Variants in TMEM255B observed in about 807,000 individuals in gnomAD.
TMEM255B encodes transmembrane protein 255B, also known as family with sequence similarity 70, member B.
A neutral mutation model predicts 34.5 loss-of-function variants in TMEM255B; 35 were observed. That is an observed-to-expected ratio of 1.01 (90% CI 0.77 to 1.34). The LOEUF is 1.34. Ranked by LOEUF, TMEM255B falls within the 40% of genes most tolerant of loss-of-function variation. TMEM255B has a pLI of 0.00. For synonymous variants in TMEM255B, 206 were observed against 201.2 expected, an observed-to-expected ratio of 1.02 and a Z score of -0.20; for missense variants, 432 against 433.2, an observed-to-expected ratio of 1.00 and a Z score of 0.02.
In TMEM255B at chr13:113,811,984, C is replaced by A; in HGVS notation, c.*81C>A. 1 of 1,473,672 alleles carries A rather than the reference C, an allele frequency of 6.8e-7. No homozygotes were observed. The highest frequency in any genetic ancestry group is 9.1e-7 in the Non-Finnish European group (1 of 1,094,680). 91.3% of individuals were successfully genotyped at this position (1,473,672 alleles called of 1,614,324 possible). On this transcript the variant is annotated 3_prime_UTR_variant, in exon 9 of 9. Coordinates refer to ENST00000375353, the MANE Select transcript of TMEM255B (RefSeq NM_182614.4). ...CCTCTAGAAATCCCGCTTCTGTGGC[C>A]AACCTCCTAGAGAACCCGGGAGAAT... is the stretch of plus-strand genomic sequence containing the variant.
chr13:113,789,639 C>T (rs1325524586), intron 3 of TMEM255B, among the ~76,000 whole-genome samples: 3 of 152,228 alleles, frequency 2.0e-5, no homozygotes, highest in African/African-American at 7.2e-5. Context: ...CGGGTTGAAG[C>T]ACCATGAGAA....
At chr13:113,782,638 T>C (rs9577902) in intron 3 of TMEM255B, among the ~76,000 whole-genome samples, 110,889 of 149,452 alleles carry the variant, frequency 0.74, 41,559 homozygotes, top group East Asian at 0.86. Flanking sequence ...CCGTTGTCAG[T>C]GCCGGCAGCG....
At chr13:113,784,857 C>T (rs1391220223) in intron 3 of TMEM255B, among the ~76,000 whole-genome samples, 4 of 152,160 alleles carry the variant, frequency 2.6e-5, no homozygotes, top group Non-Finnish European at 5.9e-5. Context: ...GCCTCTGGCC[C>T]CAACACCTGT....
chr13:113,795,906 CAA>C (rs2050919851), intron 4 of TMEM255B, among the ~76,000 whole-genome samples: 1 of 125,464 alleles, frequency 8.0e-6, no homozygotes, highest in Non-Finnish European at 1.7e-5. Context: ...AGCACACACA[CAA>C]CACAGCACAC....
chr13:113,808,157 T>G (rs560646732), intron 8 of TMEM255B, among the ~76,000 whole-genome samples: 4 of 151,744 alleles, frequency 2.6e-5, no homozygotes, highest in African/African-American at 9.7e-5. Flanking sequence ...ATATTCAGGG[T>G]GTTCCATGGA....
chr13:113,787,358 C>T (rs970207071), intron 3 of TMEM255B, among the ~76,000 whole-genome samples: 5 of 152,198 alleles, frequency 3.3e-5, no homozygotes, highest in South Asian at 2.1e-4. Context: ...AGTTTTTAAA[C>T]GTTCTAAGAA....
At chr13:113,780,842 G>A (rs2050655947) in intron 3 of TMEM255B, among the ~76,000 whole-genome samples, 1 of 152,124 alleles carries the variant, frequency 6.6e-6, no homozygotes, top group African/African-American at 2.4e-5. Flanking sequence ...CAATTGACAA[G>A]GAAATCTGTT....
At position 113,769,194 on chromosome 13, in the gene TMEM255B, G is replaced by A. The variant is rs1295133616; in HGVS notation, c.252+34G>A. On this transcript the variant is annotated intron_variant, in intron 3 of 8. Transcript: ENST00000375353. The surrounding 1 kb of genome is among the most constrained non-coding windows in gnomAD (Gnocchi z 4.2). ...GTACATGGGGTGGTGGGGAGCATGA[G>A]TCCCTCATCAGGGGATGGTACAGCT... The A allele has an allele frequency of 6.2e-7, 1 of 1,611,014 alleles. No individual in the cohort carries two copies. Among genetic ancestry groups the A allele is most frequent in the Admixed American group, 1.7e-5 (1 of 60,014 alleles).
At chr13:113,780,603 T>C (rs1156541121) in intron 3 of TMEM255B, among the ~76,000 whole-genome samples, 1 of 152,252 alleles carries the variant, frequency 6.6e-6, no homozygotes, top group East Asian at 1.9e-4. Flanking sequence ...GTTCATGTAG[T>C]TAATTCCTGT....
rs2051375720 is a variant in TMEM255B at position 113,813,963 on chromosome 13, A to G, written c.*2060A>G. ...GCTCCGAGTAAGAAGCTGAACAAGC[A>G]GCAGAGACCAAGAGGTTTCTGGAGC... is the stretch of plus-strand genomic sequence containing the variant. On this transcript the variant is annotated 3_prime_UTR_variant, in exon 9 of 9. Transcript: ENST00000375353. 1 of 152,212 alleles carries G rather than the reference A, an allele frequency of 6.6e-6. No individual in the cohort carries two copies. The highest frequency in any genetic ancestry group is 1.5e-5 in the Non-Finnish European group (1 of 68,058). The allele number at this position is 152,212 out of a possible 1,614,324, so 9.4% of individuals were successfully genotyped here.
At chr13:113,781,250 A>G (rs1376644433) in intron 3 of TMEM255B, among the ~76,000 whole-genome samples, 1 of 152,246 alleles carries the variant, frequency 6.6e-6, no homozygotes, top group African/African-American at 2.4e-5. Context: ...TTTAATGCTT[A>G]ATTTGCAGAA....
intron 1 of TMEM255B, among the ~76,000 whole-genome samples, chr13:113,765,450 G>A (rs2050373228): frequency 1.3e-5 from 2 of 152,178 alleles, no homozygotes. Context: ...CGGCTCTCCA[G>A]TGTGCGGTCT....
At chr13:113,793,201 C>T (rs1377587178) in intron 3 of TMEM255B, among the ~76,000 whole-genome samples, 2 of 152,338 alleles carry the variant, frequency 1.3e-5, no homozygotes, top group Admixed American at 6.5e-5. Context: ...CTGGTGGCCA[C>T]GTCCCCCTCT....
chr13:113,766,299 G>T, intron 2 of TMEM255B, 42 bp downstream of exon 2: 2 of 1,612,046 alleles, frequency 1.2e-6, no homozygotes, highest in Non-Finnish European at 1.7e-6. Flanking sequence ...GGAGGGCAGG[G>T]TGGTGTGTGG....
At chr13:113,793,970 G>A (rs547670285) in intron 3 of TMEM255B, among the ~76,000 whole-genome samples, 194 of 152,366 alleles carry the variant, frequency 1.3e-3, no homozygotes, top group Non-Finnish European at 2.0e-3. Context: ...ATGGGAATGC[G>A]TCCCACCTGC....
intron 3 of TMEM255B, among the ~76,000 whole-genome samples, chr13:113,793,455 CCGG>C (rs1414851601): frequency 1.1e-4 from 17 of 150,006 alleles, no homozygotes; most frequent in African/African-American, 2.2e-4. Context: ...AGGGACCGTG[CCGG>C]TCTGGGACCC....
At chr13:113,803,737 G>A (rs2051108491) in intron 7 of TMEM255B, among the ~76,000 whole-genome samples, 2 of 152,198 alleles carry the variant, frequency 1.3e-5, no homozygotes, top group Admixed American at 1.3e-4. Context: ...TGAGGCAGAA[G>A]CACGGCCTCC....
intron 3 of TMEM255B, among the ~76,000 whole-genome samples, chr13:113,780,614 C>T (rs561096656): frequency 1.3e-5 from 2 of 152,350 alleles, no homozygotes; most frequent in South Asian, 4.1e-4. Context: ...TAATTCCTGT[C>T]CTGCCTGATA....
intron 3 of TMEM255B, among the ~76,000 whole-genome samples, chr13:113,781,705 T>C (rs1376998176): frequency 6.6e-6 from 1 of 152,166 alleles, no homozygotes; most frequent in African/African-American, 2.4e-5. Flanking sequence ...CTAAGAGTCA[T>C]AGTGGCATTT....
Sources: allele counts gnomAD v4.1 joint callset (sites outside exome capture counted in the v4.1 genomes callset), GRCh38; gene constraint gnomAD v4.1.1; non-coding constraint Gnocchi (gnomAD v3.1); transcripts MANE v1.5; gene names NCBI Gene and HGNC (gene_info 2026-07-23, HGNC 2026-07-21).